Variants in TAF4 observed in about 807,000 individuals in gnomAD.
TAF4 encodes TATA-box binding protein associated factor 4, also known as transcription initiation factor TFIID subunit 4.
In TAF4, 9 loss-of-function variants were observed where a neutral mutation model predicts 90.3. The observed-to-expected ratio is 0.10, with a 90% CI of 0.06 to 0.17. TAF4 has a LOEUF of 0.17. Among genes scored for constraint, TAF4 ranks in the 10% least tolerant of loss-of-function variants. The pLI is 1.00. For synonymous variants in TAF4, 818 were observed against 638.9 expected (o/e 1.28, Z -4.23); for missense variants, 1,351 against 1,370.7 (o/e 0.99, Z 0.23).
chr20:61,977,596 T>C (rs1300792631), intron 14 of TAF4, among the ~76,000 whole-genome samples: 2 of 152,100 alleles, frequency 1.3e-5, no homozygotes, highest in African/African-American at 2.4e-5. Context: ...TCTGACCCAC[T>C]GCATTTTCTT....
In TAF4 at chr20:62,065,037, G is replaced by A; in HGVS notation, c.774C>T (p.Pro258=). 1 of 586,952 alleles carries A rather than the reference G, an allele frequency of 1.7e-6. No individual in the cohort carries two copies. 36.4% of individuals were successfully genotyped at this position (586,952 alleles called of 1,614,324 possible). A position where few individuals can be genotyped will look rare whatever the true frequency, so the allele number is the denominator to read the frequency against. Residue 258 remains proline, a synonymous_variant, in exon 1 of 15, where the codon CCC becomes CCT. Transcript: ENST00000252996. ...CGGGGGCGGCGGGCGCGGGGGCGGC[G>A]GGGGGCGAGGGCGCGGCGGGCGCGG... ...APPAPAAPSP[P]AAPAPAAPAA... is the part of the protein sequence containing the mutation.
chr20:61,980,857 G>A (rs1218320360), intron 14 of TAF4: 1 of 152,488 alleles, frequency 6.6e-6, no homozygotes, highest in African/African-American at 2.4e-5. Flanking sequence ...CGGTGGGGCG[G>A]GGTGGGACAG....
intron 14 of TAF4, among the ~76,000 whole-genome samples, chr20:61,982,067 A>C (rs2055546635): frequency 1.3e-5 from 1 of 74,270 alleles, no homozygotes; most frequent in Non-Finnish European, 2.5e-5. Flanking sequence ...CCAAACCCAC[A>C]CCCCACCCGA....
chr20:61,997,323 T>C (rs12625155), intron 14 of TAF4, among the ~76,000 whole-genome samples: 14,712 of 152,270 alleles, frequency 0.097, 1,208 homozygotes, highest in East Asian at 0.44. Context: ...CTCATCACAG[T>C]AATCAAACTT....
At chr20:61,995,187 A>G (rs563379451) in intron 14 of TAF4, among the ~76,000 whole-genome samples, 4 of 152,226 alleles carry the variant, frequency 2.6e-5, no homozygotes, top group African/African-American at 7.2e-5. Context: ...AGGAGACAAG[A>G]AAGTGTGCAA....
At chr20:62,013,421 T>G (rs750328746) in intron 2 of TAF4, among the ~76,000 whole-genome samples, 1 of 152,128 alleles carries the variant, frequency 6.6e-6, no homozygotes, top group Non-Finnish European at 1.5e-5. Flanking sequence ...GAGACTGACA[T>G]GGAAAGAGCA....
rs370902242 is a variant in TAF4 at position 62,010,002 on chromosome 20, C to T, written c.1761+44G>A. On this transcript the variant is annotated intron_variant, in intron 4 of 14. Coordinates refer to ENST00000252996, the MANE Select transcript of TAF4 (RefSeq NM_003185.4). The surrounding 1 kb of genome is among the most constrained non-coding windows in gnomAD (Gnocchi z 4.5). ...AGGCTGCATTTTCTGACCTGCGCCA[C>T]GGGCCTGACCGTCTTTGAAGGCACG... 116 of 1,608,560 alleles carry T rather than the reference C, an allele frequency of 7.2e-5. No homozygotes were observed. Among genetic ancestry groups the T allele is most frequent in the Non-Finnish European group, 9.2e-5 (108 of 1,178,978 alleles).
chr20:62,042,247 G>A (rs1029242089), intron 1 of TAF4, among the ~76,000 whole-genome samples: 4 of 152,196 alleles, frequency 2.6e-5, no homozygotes, highest in South Asian at 4.1e-4. Context: ...GCTGGGCACC[G>A]TCCAGGAGGA....
chr20:62,045,260 TC>T (rs1288710353), intron 1 of TAF4, among the ~76,000 whole-genome samples: 2 of 152,096 alleles, frequency 1.3e-5, no homozygotes, highest in Non-Finnish European at 2.9e-5. Context: ...CCATGCACCC[TC>T]CCCACCGGCC....
intron 2 of TAF4, 91 bp downstream of exon 2, chr20:62,014,456 T>A (rs1410102847): frequency 1.4e-6 from 2 of 1,435,094 alleles, no homozygotes; most frequent in Non-Finnish European, 1.8e-6. Flanking sequence ...CTCCCATGGC[T>A]GTGCCTGGCC....
At chr20:62,032,237 G>A (rs1489779924) in intron 1 of TAF4, among the ~76,000 whole-genome samples, 1 of 152,228 alleles carries the variant, frequency 6.6e-6, no homozygotes, top group East Asian at 1.9e-4. Flanking sequence ...GAGAGGACAA[G>A]GACCATGCTC....
Position 62,006,569 on chromosome 20 carries a change from G to A in TAF4, c.2164C>T (p.Leu722Phe). ...ACCTGCGTGGGCTGCGTGAGGCTGA[G>A]CACAGGGGGCTGGAGGGCACTGGTC... The part of the protein sequence containing the change: ...TVTSALQPPV[L>F]SLTQPTQVGV... The change falls in exon 7 of 15, where the codon CTC (leucine) becomes TTC (phenylalanine). Residue 722 changes from leucine to phenylalanine, a missense_variant. Physicochemically the swap from Leu to Phe is conservative, Grantham distance 22 (BLOSUM62 0). Coordinates refer to ENST00000252996, the MANE Select transcript of TAF4 (RefSeq NM_003185.4). The surrounding 1 kb of genome is among the most constrained non-coding windows in gnomAD (Gnocchi z 7.0). 6.3e-7 allele frequency: 1 copy of A among 1,592,194 alleles called. No individual in the cohort carries two copies. Among genetic ancestry groups the A allele is most frequent in the Non-Finnish European group, 8.5e-7 (1 of 1,172,026 alleles).
At chr20:62,020,618 T>C (rs997861349) in intron 1 of TAF4, among the ~76,000 whole-genome samples, 1 of 152,174 alleles carries the variant, frequency 6.6e-6, no homozygotes, top group Non-Finnish European at 1.5e-5. Flanking sequence ...CTCCACCAGA[T>C]GGGCAAACAG....
At chr20:62,008,639 G>A (rs1399714254) in intron 5 of TAF4, among the ~76,000 whole-genome samples, 1 of 152,200 alleles carries the variant, frequency 6.6e-6, no homozygotes, top group Non-Finnish European at 1.5e-5. Flanking sequence ...GGCTCAGGGT[G>A]CAGAATGCCT....
intron 1 of TAF4, among the ~76,000 whole-genome samples, chr20:62,048,362 G>T (rs770251526): frequency 6.6e-6 from 1 of 152,138 alleles, no homozygotes; most frequent in African/African-American, 2.4e-5. Flanking sequence ...TGGGCATCCC[G>T]AGTGCAGAGC....
intron 13 of TAF4, 82 bp from the exon 14 acceptor site, chr20:61,997,751 G>C: frequency 2.1e-6 from 3 of 1,451,406 alleles, no homozygotes; most frequent in East Asian, 2.5e-5. Context: ...AGATATGAAA[G>C]GGTTTTCTGT....
chr20:62,004,122 G>A (rs1302003102), intron 7 of TAF4, among the ~76,000 whole-genome samples: 3 of 152,164 alleles, frequency 2.0e-5, no homozygotes, highest in South Asian at 4.1e-4. Flanking sequence ...AGGGGCAAGC[G>A]GGAGCAGATC....
At chr20:61,998,356 A>G (rs1339458938) in intron 12 of TAF4, among the ~76,000 whole-genome samples, 164 bp from the exon 13 acceptor site, 3 of 152,276 alleles carry the variant, frequency 2.0e-5, no homozygotes, top group African/African-American at 7.2e-5. Flanking sequence ...TTTACATCAC[A>G]CACCATGAAA....
intron 14 of TAF4, among the ~76,000 whole-genome samples, chr20:61,988,650 G>T (rs1039350833): frequency 3.3e-5 from 5 of 152,196 alleles, no homozygotes; most frequent in African/African-American, 1.2e-4. Context: ...TCTGGGTTTT[G>T]TGTGAATTGT....
Sources: gnomAD v4.1 joint callset for allele counts (sites outside exome capture counted in the v4.1 genomes callset) on GRCh38, gnomAD v4.1.1 for gene constraint, Gnocchi (gnomAD v3.1) non-coding constraint, MANE v1.5 for transcripts, NCBI Gene and HGNC (gene_info 2026-07-23, HGNC 2026-07-21) for gene names.